Variants in RLF observed in about 807,000 individuals in gnomAD.
The protein encoded by RLF is RLF zinc finger.
A neutral mutation model predicts 162.9 loss-of-function variants in RLF; 7 were observed. The observed-to-expected ratio is 0.04, with a 90% confidence interval of 0.02 to 0.08. The LOEUF (loss-of-function observed/expected upper bound fraction) is 0.08. RLF is among the 10% of genes least tolerant of loss of function. The pLI is 1.00. For missense variants in RLF, 1,664 were observed against 2,244.7 expected, an observed-to-expected ratio of 0.74 and a Z score of 5.23; for synonymous variants, 782 against 791.5, an observed-to-expected ratio of 0.99 and a Z score of 0.20.
intron 7 of RLF, among the ~76,000 whole-genome samples, chr1:40,234,325 G>T (rs916398791): frequency 2.0e-5 from 3 of 152,102 alleles, no homozygotes; most frequent in African/African-American, 7.2e-5. Flanking sequence ...AGTGTTGGGG[G>T]TTTTTTGTCT....
intron 1 of RLF, among the ~76,000 whole-genome samples, chr1:40,169,128 G>A (rs900551987): frequency 6.6e-6 from 1 of 152,134 alleles, no homozygotes; most frequent in African/African-American, 2.4e-5. Context: ...CTTTTTGTGT[G>A]CCAAGCCCTC....
intron 5 of RLF, among the ~76,000 whole-genome samples, chr1:40,222,213 T>G (rs74068383): frequency 2.6e-5 from 4 of 151,952 alleles, no homozygotes; most frequent in African/African-American, 9.7e-5. Context: ...CCAGCTGTGG[T>G]CATAGATACT....
Position 40,239,952 on chromosome 1 carries a change from T to C in RLF, c.5250T>C (p.Phe1750=), listed in dbSNP as rs1216419331. The C allele has an allele frequency of 1.2e-6, 2 of 1,613,702 alleles. No individual in the cohort carries two copies. Among genetic ancestry groups the C allele is most frequent in the South Asian group, 2.2e-5 (2 of 91,088 alleles). The change falls in exon 8 of 8, where the codon TTT becomes TTC. Residue 1750 remains phenylalanine (F), a synonymous_variant. Transcript: ENST00000372771. ...CAACCCATGTCCCAAAAGAGAATTTTAGGAAACATTCACAGCCCCGGTCAT... is the reference window on the plus strand; with the variant it reads ...CAACCCATGTCCCAAAAGAGAATTTCAGGAAACATTCACAGCCCCGGTCAT... ...KNPTHVPKEN[F]RKHSQPRSFD...
At chr1:40,234,177 ATGCCTCAAGTGATG>A (rs1643188489) in intron 7 of RLF, among the ~76,000 whole-genome samples, 2 of 152,104 alleles carry the variant, frequency 1.3e-5, no homozygotes, top group South Asian at 4.1e-4. Context: ...CTTAAACTCC[ATGCCTCAAGTGATG>A]TGCCTGCCTC....
At chr1:40,218,433 T>C (rs1642953610) in intron 5 of RLF, among the ~76,000 whole-genome samples, 1 of 152,250 alleles carries the variant, frequency 6.6e-6, no homozygotes, top group South Asian at 2.1e-4. Context: ...CCCCAGTGTA[T>C]GATTTAGCTC....
At chr1:40,182,901 A>G (rs1457800770) in intron 1 of RLF, among the ~76,000 whole-genome samples, 1 of 152,144 alleles carries the variant, frequency 6.6e-6, no homozygotes, top group Admixed American at 6.6e-5. Context: ...AGGGGGTTTA[A>G]TTTACTCTAG....
chr1:40,206,081 G>A (rs1642788426), intron 5 of RLF, among the ~76,000 whole-genome samples: 1 of 152,002 alleles, frequency 6.6e-6, no homozygotes, highest in Admixed American at 6.5e-5. Flanking sequence ...CCAAACTCCA[G>A]ACCCATATCC....
At chr1:40,234,248 C>T (rs992103959) in intron 7 of RLF, among the ~76,000 whole-genome samples, 13 of 152,172 alleles carry the variant, frequency 8.5e-5, no homozygotes, top group African/African-American at 2.9e-4. Context: ...CTGTGCCCGG[C>T]CTAAATGCTT....
intron 5 of RLF, among the ~76,000 whole-genome samples, chr1:40,219,995 C>G (rs1249699967): frequency 6.6e-6 from 1 of 152,034 alleles, no homozygotes; most frequent in Admixed American, 6.6e-5. Flanking sequence ...GCCTGTAATC[C>G]CAGCACTTTG....
chr1:40,222,825 T>G, intron 6 of RLF, 115 bp downstream of exon 6: 2 of 793,328 alleles, frequency 2.5e-6, no homozygotes. Flanking sequence ...TGTGAATAGC[T>G]TCTTGCTTCC....
At position 40,189,057 on chromosome 1, in the gene RLF, C is replaced by A. The variant is rs1171353028; in HGVS notation, c.240C>A (p.Thr80=). 1 of 1,563,752 alleles carries A rather than the reference C, an allele frequency of 6.4e-7. No homozygotes were observed. The change falls in exon 2 of 8, where the codon ACC becomes ACA. Residue 80 remains threonine (T), a splice_region_variant and synonymous_variant. Coordinates refer to ENST00000372771, the MANE Select transcript of RLF (RefSeq NM_012421.4). ...SLNYCRSFCQ[T]LLQYASNKNA... ...TAATTTTTAATTTTATTTTGTAGAC[C>A]TTATTGCAATATGCAAGCAACAAGA... is the stretch of plus-strand genomic sequence containing the variant.
chr1:40,182,262 G>A (rs911352794), intron 1 of RLF, among the ~76,000 whole-genome samples: 10 of 151,976 alleles, frequency 6.6e-5, no homozygotes, highest in African/African-American at 2.4e-4. Context: ...TGAAACCCCC[G>A]TCTCTACTAA....
In RLF at chr1:40,238,849, T is replaced by C. The variant is rs769193503; in HGVS notation, c.4147T>C (p.Cys1383Arg). 3.1e-6 allele frequency: 5 copies of C among 1,614,086 alleles called. No homozygotes were observed. The highest frequency in any genetic ancestry group is 4.2e-6 in the Non-Finnish European group (5 of 1,180,022). ...FLCSKALAKH[C>R]SDSHNLDHIE... ...GTGTTCCAAAGCTCTTGCTAAGCAC[T>C]GTAGTGATTCTCATAACCTAGACCA... Residue 1383 changes from cysteine (C) to arginine (R), a missense_variant, in exon 8 of 8, where the codon TGT (cysteine) becomes CGT (arginine). This residue lies in a region of RLF where 200 missense variants were observed against 207.3 expected (regional missense o/e 0.96). Transcript: ENST00000372771. This position sits in a 1 kb window ranked among gnomAD's most constrained non-coding sequence, Gnocchi z 5.2.
chr1:40,169,622 C>CAAAAAA (rs886534976), intron 1 of RLF, among the ~76,000 whole-genome samples: 1 of 46,980 alleles, frequency 2.1e-5, no homozygotes, highest in Non-Finnish European at 4.1e-5. Context: ...GACTCCGTCT[C>CAAAAAA]AAAAAAAAAA....
chr1:40,172,241 C>T (rs1490806189), intron 1 of RLF, among the ~76,000 whole-genome samples: 1 of 152,160 alleles, frequency 6.6e-6, no homozygotes, highest in African/African-American at 2.4e-5. Flanking sequence ...TCCTTCTGCC[C>T]TCAATCTTTC....
At chr1:40,222,344 A>G (rs1643011441) in intron 5 of RLF, among the ~76,000 whole-genome samples, 1 of 152,236 alleles carries the variant, frequency 6.6e-6, no homozygotes. Flanking sequence ...ATTTTTTTAA[A>G]CTGCAAAAAT....
At chr1:40,227,670 G>C (rs1199601128) in intron 6 of RLF, among the ~76,000 whole-genome samples, 2 of 152,034 alleles carry the variant, frequency 1.3e-5, no homozygotes, top group Non-Finnish European at 2.9e-5. Flanking sequence ...ACTTAATTTG[G>C]AATAAACCAA....
chr1:40,169,748 A>G (rs1189602412), intron 1 of RLF, among the ~76,000 whole-genome samples: 2 of 143,246 alleles, frequency 1.4e-5, no homozygotes, highest in African/African-American at 5.2e-5. Context: ...GCTGGAGTGC[A>G]GTGACGTGAT....
intron 3 of RLF, among the ~76,000 whole-genome samples, chr1:40,194,916 C>G (rs1424039718): frequency 2.0e-5 from 3 of 151,876 alleles, no homozygotes; most frequent in Non-Finnish European, 4.4e-5. Context: ...TCACTGCAAC[C>G]TCTGCCTCCC....
Sources: gnomAD v4.1 joint callset for allele counts (sites outside exome capture counted in the v4.1 genomes callset) on GRCh38, gnomAD v4.1.1 for gene constraint, gnomAD v4.1.1 regional missense constraint, Gnocchi (gnomAD v3.1) non-coding constraint, MANE v1.5 for transcripts, NCBI Gene and HGNC (gene_info 2026-07-23, HGNC 2026-07-21) for gene names.